Variants in SEMA3A observed in about 807,000 individuals in gnomAD.
The protein encoded by SEMA3A is semaphorin 3A.
Under a neutral mutation model 97.9 loss-of-function variants are expected in SEMA3A, and 29 were observed. The observed-to-expected ratio is 0.30, with a 90% CI of 0.22 to 0.40. SEMA3A has a LOEUF of 0.40. Ranked by LOEUF, SEMA3A falls within the 10% of genes least tolerant of loss-of-function variation. The probability of loss-of-function intolerance (pLI) is 1.00; values close to 1 mark genes in which losing one functional copy is unlikely to be tolerated. For synonymous variants in SEMA3A, 321 were observed against 323.7 expected, an observed-to-expected ratio of 0.99 and a Z score of 0.09; for missense variants, 763 against 951.3, an observed-to-expected ratio of 0.80 and a Z score of 2.60.
chr7:84,203,526 A>AT lies in SEMA3A; in HGVS notation c.-82-8859dup, dbSNP rs35519031. On this transcript the variant is annotated intron_variant, in intron 3 of 3. Coordinates refer to the SEMA3A transcript ENST00000424555. ...TGTATATATATATATATATATATAT[A>AT]TTTTTTTTTTTTTTTTTTTTCTGAG... 7.8e-3 allele frequency among the ~76,000 whole-genome samples: 201 copies of AT among 25,684 alleles called. 5 individuals are homozygous for AT. The highest frequency in any genetic ancestry group is 0.023 in the African/African-American group (174 of 7,580). 16.8% of individuals were successfully genotyped at this position (25,684 alleles called of 152,430 possible).
intron 1 of SEMA3A, among the ~76,000 whole-genome samples, chr7:84,164,966 G>A (rs1797154044): frequency 6.6e-6 from 1 of 152,104 alleles, no homozygotes; most frequent in African/African-American, 2.4e-5. Context: ...CCAACACTTT[G>A]GGAGGCCGAA....
At chr7:84,346,602 C>T (rs765809341) in intron 2 of SEMA3A, among the ~76,000 whole-genome samples, 11 of 152,148 alleles carry the variant, frequency 7.2e-5, no homozygotes, top group South Asian at 2.1e-4. Flanking sequence ...AATGGCTGGT[C>T]GGTGGAGCAG....
intron 1 of SEMA3A, among the ~76,000 whole-genome samples, chr7:84,405,686 G>A (rs376572653): frequency 3.9e-4 from 59 of 151,614 alleles, no homozygotes; most frequent in Non-Finnish European, 6.3e-4. Context: ...AGAAATTATA[G>A]CAAACTGTCT....
intron 2 of SEMA3A, among the ~76,000 whole-genome samples, chr7:84,341,327 A>C (rs1278956563): frequency 6.6e-6 from 1 of 152,188 alleles, no homozygotes; most frequent in Non-Finnish European, 1.5e-5. Context: ...ATTGTTTCCA[A>C]GTTGTTCTCT....
chr7:84,485,531 C>T (rs1004407401), intron 1 of SEMA3A, among the ~76,000 whole-genome samples: 9 of 151,960 alleles, frequency 5.9e-5, no homozygotes, highest in African/African-American at 2.2e-4. Context: ...CCACACACCA[C>T]TCCTAATATT....
At chr7:84,187,355 G>C (rs530415244) in intron 1 of SEMA3A, among the ~76,000 whole-genome samples, 1 of 152,242 alleles carries the variant, frequency 6.6e-6, no homozygotes, top group African/African-American at 2.4e-5. Flanking sequence ...TTTTCTGGCT[G>C]TATATACTGT....
At chr7:84,420,059 C>G (rs1282689414) in intron 1 of SEMA3A, among the ~76,000 whole-genome samples, 2 of 151,812 alleles carry the variant, frequency 1.3e-5, no homozygotes, top group African/African-American at 4.8e-5. Context: ...TTTTTACAGT[C>G]AAAGATAGTG....
Position 84,257,034 on chromosome 7 carries a change from A to G in SEMA3A, c.-83+50173T>C, listed in dbSNP as rs1241766824. On this transcript the variant is annotated intron_variant, in intron 3 of 3. Coordinates refer to the SEMA3A transcript ENST00000424555. ...GACATAGACAGCTTCGATGGTTGAA[A>G]AGGGGATTTAGAGAACTGCCAAAAA... Among the ~76,000 whole-genome samples, 3 of 152,066 alleles carry G rather than the reference A, an allele frequency of 2.0e-5. No homozygotes were observed. In the East Asian group the frequency reaches 5.8e-4, roughly 29 times the overall value.
At chr7:84,313,346 ATGTGTG>A (rs372160973) in intron 2 of SEMA3A, among the ~76,000 whole-genome samples, 1,325 of 32,954 alleles carry the variant, frequency 0.04, 62 homozygotes, top group African/African-American at 0.12. Flanking sequence ...ATATATGTAT[ATGTGTG>A]TGTGTATATA....
chr7:84,427,549 A>T (rs1487666684), intron 1 of SEMA3A, among the ~76,000 whole-genome samples: 1 of 147,746 alleles, frequency 6.8e-6, no homozygotes, highest in Admixed American at 7.0e-5. Context: ...TGGGAGGCTG[A>T]GGCAGAACTG....
intron 1 of SEMA3A, among the ~76,000 whole-genome samples, chr7:84,150,941 T>C (rs575730389): frequency 0.076 from 10,609 of 139,082 alleles, 475 homozygotes; most frequent in Non-Finnish European, 0.081. Context: ...CCCTGACCCC[T>C]GAGCAGCCTA....
intron 4 of SEMA3A, among the ~76,000 whole-genome samples, chr7:84,095,548 CT>C (rs895220022): frequency 2.6e-4 from 38 of 145,704 alleles, no homozygotes; most frequent in East Asian, 1.0e-3. Context: ...TGCATTTTAT[CT>C]TTTTTTTTTC....
At chr7:84,088,198 A>G (rs1290477016) in intron 4 of SEMA3A, among the ~76,000 whole-genome samples, 3 of 152,114 alleles carry the variant, frequency 2.0e-5, no homozygotes, top group Non-Finnish European at 4.4e-5. Context: ...GCTCATGCCT[A>G]TAATCCCAGC....
At chr7:84,297,725 T>C (rs1442151605) in intron 3 of SEMA3A, among the ~76,000 whole-genome samples, 1 of 152,150 alleles carries the variant, frequency 6.6e-6, no homozygotes, top group Non-Finnish European at 1.5e-5. Flanking sequence ...ACAGTTTTCA[T>C]AGCAACTGTC....
chr7:84,034,539 AAATAC>A (rs1350648009), intron 6 of SEMA3A, among the ~76,000 whole-genome samples: 1 of 152,192 alleles, frequency 6.6e-6, no homozygotes, highest in East Asian at 1.9e-4. Flanking sequence ...GAAGATAATA[AAATAC>A]AATACAAATA....
intron 3 of SEMA3A, among the ~76,000 whole-genome samples, chr7:84,211,637 A>G (rs1584130113): frequency 6.6e-6 from 1 of 151,644 alleles, no homozygotes; most frequent in Admixed American, 6.6e-5. Flanking sequence ...AAAAAAAATT[A>G]TCATAATTCC....
At chr7:84,216,603 GAAAC>G (rs1798761741) in intron 3 of SEMA3A, among the ~76,000 whole-genome samples, 1 of 152,062 alleles carries the variant, frequency 6.6e-6, no homozygotes, top group African/African-American at 2.4e-5. Flanking sequence ...AAATAAGAAA[GAAAC>G]TGTGTAACAG....
At chr7:84,203,527 T>TATATATATATA (rs1554345528) in intron 3 of SEMA3A, among the ~76,000 whole-genome samples, 3 of 29,654 alleles carry the variant, frequency 1.0e-4, no homozygotes, top group Non-Finnish European at 1.5e-4. Flanking sequence ...TATATATATA[T>TATATATATATA]TTTTTTTTTT....
chr7:84,093,381 A>G (rs1236218634), intron 4 of SEMA3A, among the ~76,000 whole-genome samples: 1 of 152,180 alleles, frequency 6.6e-6, no homozygotes, highest in African/African-American at 2.4e-5. Context: ...GAGAACATAC[A>G]TAATGGTAGA....
Sources: gnomAD v4.1 joint callset for allele counts (sites outside exome capture counted in the v4.1 genomes callset) on GRCh38, gnomAD v4.1.1 for gene constraint, MANE v1.5 for transcripts, NCBI Gene and HGNC (gene_info 2026-07-23, HGNC 2026-07-21) for gene names.